Variants in MYO16 observed in about 807,000 individuals in gnomAD.
MYO16 encodes the protein myosin XVI.
A neutral mutation model predicts 205.3 loss-of-function variants in MYO16; 94 were observed. The ratio of observed to expected loss-of-function variants is 0.46; its 90% CI spans 0.39 to 0.54. The LOEUF (loss-of-function observed/expected upper bound fraction) is 0.54. Among genes scored for constraint, MYO16 ranks in the 20% least tolerant of loss-of-function variants. The pLI is 0.00. For synonymous variants in MYO16, 988 were observed against 954.0 expected (o/e 1.04, Z -0.66); for missense variants, 2,315 against 2,387.5 (o/e 0.97, Z 0.63).
At chr13:109,017,988 C>T (rs1414533897) in intron 22 of MYO16, among the ~76,000 whole-genome samples, 5 of 152,272 alleles carry the variant, frequency 3.3e-5, no homozygotes, top group Non-Finnish European at 5.9e-5. Flanking sequence ...AGTCATTCTC[C>T]GTCCTGCTTT....
At chr13:109,040,361 T>TACACACACACACAC (rs367712905) in intron 23 of MYO16, among the ~76,000 whole-genome samples, 5 of 112,858 alleles carry the variant, frequency 4.4e-5, no homozygotes, top group African/African-American at 1.7e-4. Context: ...GACAGTAGCA[T>TACACACACACACAC]ACACACACAC....
chr13:109,016,416 G>A (rs751347232), intron 22 of MYO16, among the ~76,000 whole-genome samples: 30 of 152,204 alleles, frequency 2.0e-4, no homozygotes, highest in African/African-American at 6.5e-4. Context: ...GTGTGATGTG[G>A]TGCTAAGAAG....
At chr13:108,833,626 C>T (rs1032595352) in intron 9 of MYO16, among the ~76,000 whole-genome samples, 9 of 152,110 alleles carry the variant, frequency 5.9e-5, no homozygotes, top group Admixed American at 2.6e-4. Context: ...TTATAATGGG[C>T]GATAATTGTT....
intron 33 of MYO16, among the ~76,000 whole-genome samples, chr13:109,168,102 G>C (rs1372938027): frequency 6.6e-6 from 1 of 151,736 alleles, no homozygotes; most frequent in Non-Finnish European, 1.5e-5. Flanking sequence ...AGTAAAGAGA[G>C]AAAAATAAAA....
At chr13:108,504,416 C>A in the MYO16 span, among the ~76,000 whole-genome samples, 1 of 152,090 alleles carries the variant, frequency 6.6e-6, no homozygotes, top group African/African-American at 2.4e-5. Flanking sequence ...CGTGAGCCAC[C>A]ACGCCCAGCC....
chr13:108,569,596 G>C, the MYO16 span, among the ~76,000 whole-genome samples: 2 of 152,054 alleles, frequency 1.3e-5, no homozygotes, highest in African/African-American at 4.8e-5. Context: ...TCTTTGAATA[G>C]AGATAATTTT....
the MYO16 span, among the ~76,000 whole-genome samples, chr13:108,499,318 C>T: frequency 1.8e-4 from 28 of 152,306 alleles, no homozygotes; most frequent in African/African-American, 6.0e-4. Flanking sequence ...TAAGGACTGG[C>T]GAGGTGTGCT....
chr13:108,596,724 A>G (rs1878577150), intron 1 of MYO16, among the ~76,000 whole-genome samples: 1 of 152,186 alleles, frequency 6.6e-6, no homozygotes, highest in Non-Finnish European at 1.5e-5. Flanking sequence ...TTTTTTTACA[A>G]TATGTGATGT....
chr13:109,020,715 GCTCTCTGTCTC>G (rs1885992674), intron 23 of MYO16, among the ~76,000 whole-genome samples: 2 of 152,108 alleles, frequency 1.3e-5, no homozygotes, highest in African/African-American at 4.8e-5. Context: ...TGCATGTACA[GCTCTCTGTCTC>G]CTACTCTTAA....
chr13:108,808,028 C>T (rs546995675), intron 7 of MYO16, among the ~76,000 whole-genome samples: 1 of 152,188 alleles, frequency 6.6e-6, no homozygotes, highest in East Asian at 1.9e-4. Flanking sequence ...TTTCCTGACT[C>T]ATAAGGAGAA....
intron 7 of MYO16, among the ~76,000 whole-genome samples, chr13:108,810,092 C>T (rs1293868506): frequency 6.6e-6 from 1 of 152,134 alleles, no homozygotes; most frequent in Non-Finnish European, 1.5e-5. Context: ...CCAGAAATGG[C>T]CATTTACAAT....
chr13:108,842,805 C>A (rs544033042), intron 9 of MYO16, among the ~76,000 whole-genome samples: 5 of 152,126 alleles, frequency 3.3e-5, no homozygotes, highest in Admixed American at 3.3e-4. Flanking sequence ...ATGTACTGTC[C>A]CATGTTCATT....
intron 9 of MYO16, among the ~76,000 whole-genome samples, chr13:108,841,320 C>T (rs1257811886): frequency 6.6e-6 from 1 of 152,120 alleles, no homozygotes; most frequent in Non-Finnish European, 1.5e-5. Flanking sequence ...AAGTGAAAGT[C>T]ATTTTTTAAA....
intron 32 of MYO16, among the ~76,000 whole-genome samples, chr13:109,151,648 G>A (rs1328185600): frequency 6.6e-6 from 1 of 152,216 alleles, no homozygotes; most frequent in South Asian, 2.1e-4. Context: ...GCAGGAAGAA[G>A]TGATATATGC....
At chr13:109,160,983 C>T (rs1016499363) in intron 32 of MYO16, among the ~76,000 whole-genome samples, 1 of 152,174 alleles carries the variant, frequency 6.6e-6, no homozygotes, top group African/African-American at 2.4e-5. Flanking sequence ...ACCCAACCAT[C>T]CAGAGTTTCT....
the MYO16 span, among the ~76,000 whole-genome samples, chr13:108,531,786 A>G: frequency 6.6e-6 from 1 of 152,186 alleles, no homozygotes; most frequent in East Asian, 1.9e-4. Context: ...GGGCTCACTT[A>G]GGGATATAGA....
At chr13:109,190,380 G>C (rs149703484) in intron 34 of MYO16, among the ~76,000 whole-genome samples, 159 of 152,258 alleles carry the variant, frequency 1.0e-3, no homozygotes, top group African/African-American at 3.6e-3. Context: ...TGTCACCTCA[G>C]TGACATATAA....
chr13:109,114,440 C>T (rs1875569601), intron 28 of MYO16, among the ~76,000 whole-genome samples: 1 of 152,174 alleles, frequency 6.6e-6, no homozygotes, highest in African/African-American at 2.4e-5. Flanking sequence ...CTGGCACTAA[C>T]TTTCTGTGTG....
chr13:109,042,913 A>G (rs946663276), intron 23 of MYO16, among the ~76,000 whole-genome samples: 4 of 152,232 alleles, frequency 2.6e-5, no homozygotes, highest in African/African-American at 9.6e-5. Flanking sequence ...GCCATCAGCA[A>G]ATGTTTGTCG....
Sources: allele counts gnomAD v4.1 joint callset (sites outside exome capture counted in the v4.1 genomes callset), GRCh38; gene constraint gnomAD v4.1.1; transcripts MANE v1.5; gene names NCBI Gene and HGNC (gene_info 2026-07-23, HGNC 2026-07-21).